Variants in TAOK3 observed in about 807,000 individuals in gnomAD.
TAOK3 encodes TAO kinase 3.
TAOK3 carries 40 observed loss-of-function variants against 120.4 expected under a neutral mutation model. That is an observed-to-expected ratio of 0.33 (90% CI 0.26 to 0.43). The LOEUF (loss-of-function observed/expected upper bound fraction) is 0.43. Among genes scored for constraint, TAOK3 ranks in the 20% least tolerant of loss-of-function variants. TAOK3 has a pLI of 1.00. For synonymous variants in TAOK3, 355 were observed against 387.5 expected (o/e 0.92, Z 0.99); for missense variants, 821 against 1,112.1 (o/e 0.74, Z 3.72).
chr12:118,274,137 A>C (rs2140344819), intron 1 of TAOK3, among the ~76,000 whole-genome samples: 1 of 152,308 alleles, frequency 6.6e-6, no homozygotes, highest in African/African-American at 2.4e-5. Flanking sequence ...AAACCAAAAA[A>C]ACAAAAAAAA....
chr12:118,181,175 A>T (rs1490087841), intron 15 of TAOK3, among the ~76,000 whole-genome samples, 196 bp downstream of exon 15: 1 of 152,172 alleles, frequency 6.6e-6, no homozygotes, highest in Non-Finnish European at 1.5e-5. Context: ...CAAGAATGTA[A>T]CATATATTTT....
intron 1 of TAOK3, among the ~76,000 whole-genome samples, chr12:118,267,605 G>T (rs576961916): frequency 5.0e-4 from 75 of 151,056 alleles, no homozygotes; most frequent in Non-Finnish European, 9.6e-4. Context: ...AAAAAAATCC[G>T]GCCGGACGCA....
chr12:118,199,296 A>AAG (rs1190427409), intron 12 of TAOK3, 39 bp from the exon 13 acceptor site: 1 of 1,495,424 alleles, frequency 6.7e-7, no homozygotes, highest in Admixed American at 1.7e-5. Flanking sequence ...AAAAAGACTG[A>AAG]AGATAAAGAG....
chr12:118,340,560 TG>T (rs1429098219), intron 1 of TAOK3, among the ~76,000 whole-genome samples: 2 of 152,182 alleles, frequency 1.3e-5, no homozygotes, highest in Non-Finnish European at 2.9e-5. Context: ...ACCTCATAGA[TG>T]GTTATTAAAT....
chr12:118,305,109 G>T (rs1254251320), intron 1 of TAOK3, among the ~76,000 whole-genome samples: 1 of 152,142 alleles, frequency 6.6e-6, no homozygotes, highest in African/African-American at 2.4e-5. Flanking sequence ...TCGAGCACAG[G>T]ATTGTTTATT....
chr12:118,150,709 A>G lies in TAOK3; in HGVS notation c.*288T>C. On this transcript the variant is annotated 3_prime_UTR_variant, in exon 21 of 21. Transcript: ENST00000392533. ...TATTGGTTTTGTTAAAACTGTCTCC[A>G]AAGTTTTCACTGAAACATTTTGAAT... is the stretch of plus-strand genomic sequence containing the variant. 1 of 270,042 alleles carries G rather than the reference A, an allele frequency of 3.7e-6. No individual in the cohort carries two copies. The highest frequency in any genetic ancestry group is 6.9e-6 in the Non-Finnish European group (1 of 144,256). 16.7% of individuals were successfully genotyped at this position (270,042 alleles called of 1,614,324 possible).
At chr12:118,279,019 T>C (rs1353644847) in intron 1 of TAOK3, among the ~76,000 whole-genome samples, 2 of 152,008 alleles carry the variant, frequency 1.3e-5, no homozygotes, top group Non-Finnish European at 2.9e-5. Flanking sequence ...GTTAGCCAGG[T>C]TGGTTTCGAA....
chr12:118,233,668 A>G lies in TAOK3; in HGVS notation c.643+6T>C. On this transcript the variant is annotated splice_donor_region_variant and intron_variant, in intron 9 of 20. Transcript: ENST00000392533. ...ATACAATGAAAACAAATAACTCTTT[A>G]CTCACCCAATTCAATACAAGTGATG... 1 of 1,584,844 alleles carries G rather than the reference A, an allele frequency of 6.3e-7. No homozygotes were observed. The highest frequency in any genetic ancestry group is 1.1e-5 in the South Asian group (1 of 89,620).
intron 15 of TAOK3, among the ~76,000 whole-genome samples, chr12:118,178,412 T>G (rs1427402519): frequency 1.3e-5 from 2 of 152,188 alleles, no homozygotes; most frequent in East Asian, 3.8e-4. Flanking sequence ...ACTATCAGAT[T>G]TTCCAGTGGT....
At chr12:118,177,444 G>A in intron 15 of TAOK3, 115 bp from the exon 16 acceptor site, 50 of 622,056 alleles carry the variant, frequency 8.0e-5, no homozygotes, top group South Asian at 2.4e-4. Context: ...AGACATTTTT[G>A]AACAAATATT....
intron 11 of TAOK3, among the ~76,000 whole-genome samples, chr12:118,212,011 T>C (rs893661237): frequency 3.9e-5 from 6 of 152,226 alleles, no homozygotes; most frequent in Admixed American, 3.3e-4. Flanking sequence ...CTCTTTGTCC[T>C]GTTGCTTCTC....
intron 9 of TAOK3, among the ~76,000 whole-genome samples, chr12:118,232,568 T>G (rs2039830163): frequency 6.6e-6 from 1 of 152,228 alleles, no homozygotes; most frequent in Non-Finnish European, 1.5e-5. Flanking sequence ...TATTTTGTAT[T>G]TCATTTGTTA....
At chr12:118,292,575 G>A (rs1268563967) in intron 1 of TAOK3, among the ~76,000 whole-genome samples, 1 of 152,064 alleles carries the variant, frequency 6.6e-6, no homozygotes, top group African/African-American at 2.4e-5. Context: ...AAAAATCTGA[G>A]GCCCAACTTC....
At chr12:118,200,883 A>T (rs1355264488) in intron 12 of TAOK3, 1 of 154,354 alleles carries the variant, frequency 6.5e-6, no homozygotes, top group Non-Finnish European at 1.4e-5. Context: ...TGACCTTATT[A>T]CCTCTTGCAT....
chr12:118,229,490 C>A (rs2039663989), intron 9 of TAOK3, among the ~76,000 whole-genome samples: 1 of 152,048 alleles, frequency 6.6e-6, no homozygotes. Flanking sequence ...ACTACCTTCT[C>A]CTAGTCCATA....
chr12:118,353,583 A>G (rs1306622497), intron 1 of TAOK3, among the ~76,000 whole-genome samples: 1 of 152,096 alleles, frequency 6.6e-6, no homozygotes, highest in African/African-American at 2.4e-5. Context: ...GTAGCATTTA[A>G]AGAAGATTCA....
chr12:118,233,935 C>T (rs1262142839), intron 8 of TAOK3, among the ~76,000 whole-genome samples, 170 bp from the exon 9 acceptor site: 3 of 152,098 alleles, frequency 2.0e-5, no homozygotes, highest in Non-Finnish European at 4.4e-5. Flanking sequence ...ATATAATCTA[C>T]TTGGTGATTT....
At chr12:118,344,577 T>C (rs939591328) in intron 1 of TAOK3, among the ~76,000 whole-genome samples, 2 of 152,150 alleles carry the variant, frequency 1.3e-5, no homozygotes, top group Non-Finnish European at 2.9e-5. Context: ...TTGGAACTTT[T>C]TGATTTCACA....
At chr12:118,331,645 C>CAAAAAAAAAAAAAAA (rs57291591) in intron 1 of TAOK3, among the ~76,000 whole-genome samples, 2 of 48,006 alleles carry the variant, frequency 4.2e-5, no homozygotes, top group African/African-American at 6.0e-5. Flanking sequence ...ACTCTTATCT[C>CAAAAAAAAAAAAAAA]AAAAAAAAAA....
Sources: allele counts gnomAD v4.1 joint callset (sites outside exome capture counted in the v4.1 genomes callset), GRCh38; gene constraint gnomAD v4.1.1; transcripts MANE v1.5; gene names NCBI Gene and HGNC (gene_info 2026-07-23, HGNC 2026-07-21).